The following TMCC1 variants were observed in gnomAD, a reference collection of about 807,000 sequenced individuals.
The protein encoded by TMCC1 is transmembrane and coiled-coil domains protein 1.
TMCC1 carries 15 observed loss-of-function variants against 52.4 expected under a neutral mutation model. That is an observed-to-expected ratio of 0.29 (90% confidence interval 0.19 to 0.44). TMCC1 has a LOEUF of 0.44. TMCC1 is among the 20% of genes least tolerant of loss of function. The probability of loss-of-function intolerance (pLI) is 1.00; values close to 1 mark genes in which losing one functional copy is unlikely to be tolerated. For synonymous variants in TMCC1, 279 were observed against 301.9 expected (o/e 0.92, Z 0.79); for missense variants, 503 against 806.0 (o/e 0.62, Z 4.55).
At chr3:129,809,569 T>C (rs769856459) in intron 4 of TMCC1, among the ~76,000 whole-genome samples, 5 of 152,080 alleles carry the variant, frequency 3.3e-5, no homozygotes, top group African/African-American at 4.8e-5. Flanking sequence ...TTTTAAATGG[T>C]ACTGTAACAA....
At chr3:129,856,925 A>ATTTTTT (rs370640230) in intron 2 of TMCC1, among the ~76,000 whole-genome samples, 1 of 148,230 alleles carries the variant, frequency 6.7e-6, no homozygotes, top group Non-Finnish European at 1.5e-5. Context: ...GAGACATGGG[A>ATTTTTT]TTTTTTTTTT....
chr3:129,673,819 T>C (rs770217081), intron 4 of TMCC1, among the ~76,000 whole-genome samples: 12 of 110,886 alleles, frequency 1.1e-4, no homozygotes, highest in Admixed American at 2.9e-4. Context: ...TTTGATTATA[T>C]CTCTAAAATG....
intron 4 of TMCC1, among the ~76,000 whole-genome samples, chr3:129,784,056 G>A (rs1000674750): frequency 2.0e-5 from 3 of 152,166 alleles, no homozygotes; most frequent in Non-Finnish European, 2.9e-5. Flanking sequence ...TGGATTAGAC[G>A]TAGCCTGGGG....
rs549373510 is a variant in TMCC1, at chr3:129,705,883, C to T, written c.577-34619G>A. ...CTGGGATTACAGGTGTGAGCCACCGCGCCCGGCCTTTTTTTCTTTTTTTTT... is the reference window on the plus strand; with the variant it reads ...CTGGGATTACAGGTGTGAGCCACCGTGCCCGGCCTTTTTTTCTTTTTTTTT... On this transcript the variant is annotated intron_variant, in intron 4 of 6. Transcript: ENST00000393238. 2.6e-4 allele frequency among the ~76,000 whole-genome samples: 28 copies of T among 107,194 alleles called. No individual in the cohort carries two copies. The South Asian group carries it at 5.3e-3, about 20-fold the overall frequency. The allele number at this position is 107,194 out of a possible 152,430, so 70.3% of individuals were successfully genotyped here. A position where few individuals can be genotyped will look rare whatever the true frequency, so the allele number is the denominator to read the frequency against.
At chr3:129,673,210 A>T (rs1185419119) in intron 4 of TMCC1, among the ~76,000 whole-genome samples, 1 of 152,044 alleles carries the variant, frequency 6.6e-6, no homozygotes, top group Non-Finnish European at 1.5e-5. Flanking sequence ...CAAGCAGTGG[A>T]ATGGACAGAC....
intron 4 of TMCC1, among the ~76,000 whole-genome samples, chr3:129,767,667 C>T (rs1475505049): frequency 2.0e-5 from 3 of 152,158 alleles, no homozygotes; most frequent in African/African-American, 7.2e-5. Context: ...CCTCCATTCC[C>T]CTGGCCCTAA....
At chr3:129,808,404 C>T (rs534864073) in intron 4 of TMCC1, among the ~76,000 whole-genome samples, 2 of 151,866 alleles carry the variant, frequency 1.3e-5, no homozygotes, top group South Asian at 4.2e-4. Flanking sequence ...ATAGCTTGAA[C>T]CCAGGAGGTG....
chr3:129,828,429 A>T lies in TMCC1; in HGVS notation c.-51T>A, dbSNP rs1474498665. On this transcript the variant is annotated 5_prime_UTR_variant, in exon 4 of 7. Coordinates refer to ENST00000393238, the MANE Select transcript of TMCC1 (RefSeq NM_001017395.5). This position sits in a 1 kb window ranked among gnomAD's most constrained non-coding sequence, Gnocchi z 4.1. The stretch of plus-strand genomic sequence containing the variant: ...AAACTCAAAAAAATTTTTTAAACAC[A>T]CCAAGAGTGTCAAATTAGGTAGGCA... 6.5e-7 allele frequency: 1 copy of T among 1,541,788 alleles called. No homozygotes were observed.
intron 5 of TMCC1, 24 bp from the exon 6 acceptor site, chr3:129,655,127 A>G (rs1299343148): frequency 6.2e-7 from 1 of 1,603,568 alleles, no homozygotes; most frequent in Admixed American, 1.7e-5. Context: ...AAAAGTTTAG[A>G]ATTTTATGAA....
At chr3:129,691,204 T>C (rs2047006231) in intron 4 of TMCC1, among the ~76,000 whole-genome samples, 1 of 152,228 alleles carries the variant, frequency 6.6e-6, no homozygotes, top group Non-Finnish European at 1.5e-5. Flanking sequence ...CAAAACATTA[T>C]CCAGCTTGTC....
chr3:129,702,376 G>A lies in TMCC1; in HGVS notation c.577-31112C>T, dbSNP rs565481460. On this transcript the variant is annotated intron_variant, in intron 4 of 6. Coordinates refer to ENST00000393238, the MANE Select transcript of TMCC1 (RefSeq NM_001017395.5). ...GATTTAAGTTTTATTTTCCAAGTGAGGCCATACCTTCAATCTTAAAAAATA... is the reference window on the plus strand; with the variant it reads ...GATTTAAGTTTTATTTTCCAAGTGAAGCCATACCTTCAATCTTAAAAAATA... Among the ~76,000 whole-genome samples, 5 of 151,868 alleles carry A rather than the reference G, an allele frequency of 3.3e-5. No individual in the cohort carries two copies. The East Asian group carries it at 7.7e-4, about 23-fold the overall frequency.
At chr3:129,809,034 C>A (rs926634458) in intron 4 of TMCC1, among the ~76,000 whole-genome samples, 3 of 150,812 alleles carry the variant, frequency 2.0e-5, no homozygotes, top group African/African-American at 7.3e-5. Context: ...GTCAGGAGAT[C>A]CTGACCTGGC....
At position 129,822,079 on chromosome 3, in the gene TMCC1, A is replaced by AT. The variant is rs1306992434; in HGVS notation, c.576+5723dup. 1.3e-3 allele frequency among the ~76,000 whole-genome samples: 204 copies of AT among 152,044 alleles called. 3 individuals are homozygous for AT. Among genetic ancestry groups the AT allele is most frequent in the Admixed American group, 0.013 (203 of 15,240 alleles). On this transcript the variant is annotated intron_variant, in intron 4 of 6. Transcript: ENST00000393238. ...CCCTGTCTCAAATATAAATACATAT[A>AT]TTTATATATATTTATGAGGCCTTAT...
At chr3:129,791,792 G>T (rs1381512806) in intron 4 of TMCC1, among the ~76,000 whole-genome samples, 1 of 152,082 alleles carries the variant, frequency 6.6e-6, no homozygotes, top group Non-Finnish European at 1.5e-5. Flanking sequence ...TTCTTAAAAT[G>T]GAATGTTTTT....
At chr3:129,817,604 C>T (rs946838661) in intron 4 of TMCC1, among the ~76,000 whole-genome samples, 1 of 152,064 alleles carries the variant, frequency 6.6e-6, no homozygotes, top group Admixed American at 6.6e-5. Context: ...CCCACATCTT[C>T]ATATTTTGAT....
At chr3:129,669,776 G>C (rs1033808803) in intron 5 of TMCC1, among the ~76,000 whole-genome samples, 2 of 152,152 alleles carry the variant, frequency 1.3e-5, no homozygotes, top group African/African-American at 4.8e-5. Flanking sequence ...CCTTAACAGA[G>C]ACTATGATTC....
chr3:129,746,921 G>T (rs1349308365), intron 4 of TMCC1, among the ~76,000 whole-genome samples: 1 of 152,080 alleles, frequency 6.6e-6, no homozygotes, highest in East Asian at 1.9e-4. Context: ...TTAACATTGG[G>T]CAACCTTTTT....
intron 2 of TMCC1, among the ~76,000 whole-genome samples, chr3:129,837,345 G>A (rs1008589475): frequency 2.6e-5 from 4 of 152,032 alleles, no homozygotes; most frequent in South Asian, 2.1e-4. Context: ...AGACTCTCAC[G>A]GAGAAACAGC....
intron 4 of TMCC1, among the ~76,000 whole-genome samples, chr3:129,749,620 A>C (rs1209822425): frequency 2.0e-5 from 3 of 152,178 alleles, no homozygotes; most frequent in African/African-American, 7.2e-5. Context: ...GTTAATTCTG[A>C]ATTTGATTTG....
Sources: gnomAD v4.1 joint callset for allele counts (sites outside exome capture counted in the v4.1 genomes callset) on GRCh38, gnomAD v4.1.1 for gene constraint, Gnocchi (gnomAD v3.1) non-coding constraint, MANE v1.5 for transcripts, NCBI Gene and HGNC (gene_info 2026-07-23, HGNC 2026-07-21) for gene names.